MMGT1: variants seen among roughly 807,000 people sequenced by gnomAD.
The protein encoded by MMGT1 is membrane magnesium transporter 1, also known as ER membrane protein complex subunit 5.
In MMGT1, 2 loss-of-function variants were observed where a neutral mutation model predicts 11.7. The ratio of observed to expected loss-of-function variants is 0.17; its 90% CI spans 0.07 to 0.54. The LOEUF is 0.54. MMGT1 is among the 20% of genes least tolerant of loss of function. MMGT1 has a pLI of 0.94. For synonymous variants in MMGT1, 49 were observed against 44.4 expected, an observed-to-expected ratio of 1.10 and a Z score of -0.41; for missense variants, 74 against 109.0, an observed-to-expected ratio of 0.68 and a Z score of 1.43.
chrX:135,970,194 G>C (rs782062370), intron 2 of MMGT1, among the ~76,000 whole-genome samples: 90 of 110,323 alleles, frequency 8.2e-4, no homozygotes, highest in African/African-American at 2.9e-3. Flanking sequence ...GGGAAACCCT[G>C]TCTCTACTAA....
chrX:135,970,814 C>T (rs1556612519), intron 2 of MMGT1, among the ~76,000 whole-genome samples: 5 of 111,800 alleles, frequency 4.5e-5, no homozygotes, highest in African/African-American at 1.6e-4. Flanking sequence ...GAGGCTGTGG[C>T]AGGAGAATGG....
rs1460347078 is a variant in MMGT1 at position 135,964,788 on chromosome X, T to G, written c.*236A>C. ...CTTTTACAAAAGATGTGGATTTGTT[T>G]TAAATGAAAAAAAAAATAATTCCTA... On this transcript the variant is annotated 3_prime_UTR_variant, in exon 4 of 4. Coordinates refer to ENST00000305963, the MANE Select transcript of MMGT1 (RefSeq NM_173470.3). 3 of 263,573 alleles carry G rather than the reference T, an allele frequency of 1.1e-5. No individual in the cohort carries two copies. The highest frequency in any genetic ancestry group is 1.3e-5 in the Non-Finnish European group (2 of 150,036). 21.7% of individuals were successfully genotyped at this position (263,573 alleles called of 1,213,427 possible).
At chrX:135,968,144 A>C (rs898337365) in intron 2 of MMGT1, among the ~76,000 whole-genome samples, 3 of 111,645 alleles carry the variant, frequency 2.7e-5, no homozygotes, top group Non-Finnish European at 5.7e-5. Flanking sequence ...GAGCCACCAC[A>C]CCCAGCCAGT....
Position 135,961,421 on chromosome X carries a change from A to G in MMGT1, c.*3603T>C, listed in dbSNP as rs1337724175. The stretch of plus-strand genomic sequence containing the variant: ...AATTGTTTTCCTGTGAGTACAAGAC[A>G]CTTGAAACTGGTTACTTTTGGAGAG... On this transcript the variant is annotated 3_prime_UTR_variant, in exon 4 of 4. Transcript: ENST00000305963. Among the ~76,000 whole-genome samples, 3 of 111,576 alleles carry G rather than the reference A, an allele frequency of 2.7e-5. No individual in the cohort carries two copies. The highest frequency in any genetic ancestry group is 9.8e-5 in the African/African-American group (3 of 30,697).
intron 3 of MMGT1, among the ~76,000 whole-genome samples, chrX:135,965,799 C>G (rs1239419138): frequency 8.9e-6 from 1 of 111,839 alleles, no homozygotes; most frequent in Non-Finnish European, 1.9e-5. Flanking sequence ...GTAAATCTAA[C>G]AGTAACGCAT....
Position 135,960,909 on chromosome X carries a change from C to T in MMGT1, c.*4115G>A, listed in dbSNP as rs930656304. 5.4e-5 allele frequency among the ~76,000 whole-genome samples: 6 copies of T among 111,931 alleles called. 1 individual carries two copies. The East Asian group carries it at 8.3e-4, about 16-fold the overall frequency. On this transcript the variant is annotated 3_prime_UTR_variant, in exon 4 of 4. Transcript: ENST00000305963. Reference sequence around the variant, plus strand: ...AAAATGCATTAGAACTTCATTAAAACGCAAGATACCATTTATTCACTTTCA... The same window carrying T: ...AAAATGCATTAGAACTTCATTAAAATGCAAGATACCATTTATTCACTTTCA...
chrX:135,967,317 C>G lies in MMGT1; in HGVS notation c.236+73G>C, dbSNP rs1246047565. The stretch of plus-strand genomic sequence containing the variant: ...AAACCAACTTTTATGTATCAGAAAA[C>G]ATACTTTTTAAAATTATGTGAATAC... On this transcript the variant is annotated intron_variant, in intron 3 of 3. Coordinates refer to ENST00000305963, the MANE Select transcript of MMGT1 (RefSeq NM_173470.3). The G allele has an allele frequency of 1.0e-5, 7 of 672,250 alleles. No homozygotes were observed. In the Admixed American group the frequency reaches 1.7e-4, roughly 16 times the overall value. 55.4% of individuals were successfully genotyped at this position (672,250 alleles called of 1,213,427 possible).
intron 2 of MMGT1, among the ~76,000 whole-genome samples, chrX:135,969,089 A>T (rs955065601): frequency 1.8e-5 from 2 of 110,027 alleles, no homozygotes; most frequent in Middle Eastern, 4.7e-3. Context: ...ACATGGGATT[A>T]TGGGCATGTT....
chrX:135,967,824 T>C (rs1556612144), intron 2 of MMGT1, among the ~76,000 whole-genome samples: 1 of 111,688 alleles, frequency 9.0e-6, no homozygotes, highest in African/African-American at 3.2e-5. Flanking sequence ...TAAGGTATTA[T>C]TGTTTTTGTT....
rs200764917 is a variant in MMGT1 at position 135,973,717 on chromosome X, G to A, written c.-42C>T. 3 of 1,165,112 alleles carry A rather than the reference G, an allele frequency of 2.6e-6. No homozygotes were observed. Among genetic ancestry groups the A allele is most frequent in the East Asian group, 3.3e-5 (1 of 30,610 alleles). ...CAGCCCAGCAAAAGAAGCGAAGGAC[G>A]GCGGAGCTGTTTCTTCTTCCACCGG... is the stretch of plus-strand genomic sequence containing the variant. On this transcript the variant is annotated 5_prime_UTR_variant, in exon 1 of 4. Transcript: ENST00000305963.
chrX:135,973,879 G>A lies in MMGT1; in HGVS notation c.-204C>T, dbSNP rs782526927. 8.7e-6 allele frequency: 10 copies of A among 1,150,315 alleles called. No individual in the cohort carries two copies. In the East Asian group the frequency reaches 2.7e-4, roughly 31 times the overall value. 94.8% of individuals were successfully genotyped at this position (1,150,315 alleles called of 1,213,427 possible). On this transcript the variant is annotated 5_prime_UTR_variant, in exon 1 of 4. Transcript: ENST00000305963. Reference sequence around the variant, plus strand: ...AGAAGCAGAAAGCTACACGGAAAAAGGTCCGCGAGAACCCACGAACCTGCG... The same window carrying A: ...AGAAGCAGAAAGCTACACGGAAAAAAGTCCGCGAGAACCCACGAACCTGCG...
intron 3 of MMGT1, among the ~76,000 whole-genome samples, chrX:135,966,986 C>T (rs2089190182): frequency 1.0e-5 from 1 of 100,223 alleles, no homozygotes; most frequent in South Asian, 4.7e-4. Flanking sequence ...AAAGACTAAG[C>T]TGGGACAAGA....
rs1224844480 is a variant in MMGT1 at position 135,962,413 on chromosome X, T to C, written c.*2611A>G. 8.9e-6 allele frequency: 1 copy of C among 112,116 alleles called. No homozygotes were observed. The highest frequency in any genetic ancestry group is 3.2e-5 in the African/African-American group (1 of 30,855). 9.2% of individuals were successfully genotyped at this position (112,116 alleles called of 1,213,427 possible). A position where few individuals can be genotyped will look rare whatever the true frequency, so the allele number is the denominator to read the frequency against. On this transcript the variant is annotated 3_prime_UTR_variant, in exon 4 of 4. Coordinates refer to ENST00000305963, the MANE Select transcript of MMGT1 (RefSeq NM_173470.3). ...AAGAGCCTTGATTGGTACACACTTCTGAATATCACTGAAATCAGTCAAGCA... is the reference window on the plus strand; with the variant it reads ...AAGAGCCTTGATTGGTACACACTTCCGAATATCACTGAAATCAGTCAAGCA...
chrX:135,969,295 G>A (rs1213931092), intron 2 of MMGT1, among the ~76,000 whole-genome samples: 2 of 110,850 alleles, frequency 1.8e-5, no homozygotes, highest in African/African-American at 6.6e-5. Flanking sequence ...CATCATATAC[G>A]ATACCAATTT....
chrX:135,966,682 T>C (rs781975832), intron 3 of MMGT1, among the ~76,000 whole-genome samples: 5 of 111,910 alleles, frequency 4.5e-5, no homozygotes, highest in South Asian at 3.7e-4. Context: ...ATGTTCACTG[T>C]GACTCCTTCT....
chrX:135,962,169 T>C lies in MMGT1; in HGVS notation c.*2855A>G, dbSNP rs1040062353. 1.6e-4 allele frequency: 18 copies of C among 111,660 alleles called. No individual in the cohort carries two copies. Among genetic ancestry groups the C allele is most frequent in the East Asian group, 5.5e-4 (2 of 3,615 alleles). 9.2% of individuals were successfully genotyped at this position (111,660 alleles called of 1,213,427 possible). On this transcript the variant is annotated 3_prime_UTR_variant, in exon 4 of 4. Transcript: ENST00000305963. ...CGTGTTTAGTTTGGTGTTACAGGCA[T>C]TGATGCTCACAACAAACAACATTAT...
rs1438287578 is a variant in MMGT1, at chrX:135,963,889, C to A, written c.*1135G>T. The A allele has an allele frequency of 8.9e-6, 1 of 112,658 alleles. No homozygotes were observed. The highest frequency in any genetic ancestry group is 1.9e-5 in the Non-Finnish European group (1 of 53,285). 9.3% of individuals were successfully genotyped at this position (112,658 alleles called of 1,213,427 possible). ...ACAGCTCTCTAGCTCAAAGAGCTAG[C>A]CAATTTCCTTAAAAGTAAAATTACT... On this transcript the variant is annotated 3_prime_UTR_variant, in exon 4 of 4. Transcript: ENST00000305963.
chrX:135,969,409 G>A (rs1292436133), intron 2 of MMGT1, among the ~76,000 whole-genome samples: 18 of 103,393 alleles, frequency 1.7e-4, no homozygotes, highest in African/African-American at 4.6e-4. Flanking sequence ...GCATGATCTC[G>A]GCTCACTGCA....
In MMGT1 at chrX:135,962,961, A is replaced by G. The variant is rs782080997; in HGVS notation, c.*2063T>C. 5 of 111,942 alleles carry G rather than the reference A, an allele frequency of 4.5e-5. No individual in the cohort carries two copies. The highest frequency in any genetic ancestry group is 1.6e-4 in the African/African-American group (5 of 30,842). 9.2% of individuals were successfully genotyped at this position (111,942 alleles called of 1,213,427 possible). The stretch of plus-strand genomic sequence containing the variant: ...TTACCAACCACTCCCTTTCACAGCA[A>G]TAAGAGTTCTCAAGATGAGAAGAAT... On this transcript the variant is annotated 3_prime_UTR_variant, in exon 4 of 4. Transcript: ENST00000305963.
Sources: gnomAD v4.1 joint callset for allele counts (sites outside exome capture counted in the v4.1 genomes callset) on GRCh38, gnomAD v4.1.1 for gene constraint, MANE v1.5 for transcripts, NCBI Gene and HGNC (gene_info 2026-07-23, HGNC 2026-07-21) for gene names.